The following APBA1 variants were observed in gnomAD, a reference collection of about 807,000 sequenced individuals.
The protein encoded by APBA1 is amyloid-beta A4 precursor protein-binding family A member 1.
In APBA1, 55 loss-of-function variants were observed where a neutral mutation model predicts 86.6. The ratio of observed to expected loss-of-function variants is 0.64; its 90% confidence interval spans 0.51 to 0.80. APBA1 has a LOEUF of 0.80. Among genes scored for constraint, APBA1 ranks in the 30% least tolerant of loss-of-function variants. The probability of loss-of-function intolerance (pLI) is 0.00; values close to 1 mark genes in which losing one functional copy is unlikely to be tolerated. For synonymous variants in APBA1, 511 were observed against 493.9 expected (o/e 1.03, Z -0.46); for missense variants, 1,090 against 1,183.0 (o/e 0.92, Z 1.15).
chr9:69,642,916 A>G (rs2134009267), intron 1 of APBA1, among the ~76,000 whole-genome samples: 1 of 151,726 alleles, frequency 6.6e-6, no homozygotes, highest in South Asian at 2.1e-4. Flanking sequence ...TGGATTTTGG[A>G]CTTACCAAAC....
At chr9:69,493,052 T>C (rs935519892) in intron 2 of APBA1, among the ~76,000 whole-genome samples, 2 of 152,112 alleles carry the variant, frequency 1.3e-5, no homozygotes, top group African/African-American at 2.4e-5. Context: ...ATATGCTGCA[T>C]GAGACTACAG....
chr9:69,529,202 A>G (rs924526156), intron 1 of APBA1, among the ~76,000 whole-genome samples: 2 of 152,138 alleles, frequency 1.3e-5, no homozygotes, highest in African/African-American at 2.4e-5. Flanking sequence ...ATTTTTGGTT[A>G]TGCCTCAAAT....
chr9:69,604,879 C>T (rs1195992488), intron 1 of APBA1, among the ~76,000 whole-genome samples: 1 of 151,156 alleles, frequency 6.6e-6, no homozygotes, highest in Non-Finnish European at 1.5e-5. Context: ...CACACATGTA[C>T]GCACATGAGG....
chr9:69,599,667 A>T (rs980396044), intron 1 of APBA1, among the ~76,000 whole-genome samples: 17 of 152,186 alleles, frequency 1.1e-4, no homozygotes, highest in African/African-American at 4.1e-4. Flanking sequence ...CTGGACCAGT[A>T]GCACCAGCAG....
intron 1 of APBA1, among the ~76,000 whole-genome samples, chr9:69,655,239 C>T (rs570414310): frequency 6.6e-6 from 1 of 152,142 alleles, no homozygotes; most frequent in African/African-American, 2.4e-5. Flanking sequence ...TAAAGGGCAT[C>T]CACATTGGGA....
intron 1 of APBA1, among the ~76,000 whole-genome samples, chr9:69,567,534 A>G (rs889875163): frequency 6.6e-6 from 1 of 151,966 alleles, no homozygotes; most frequent in African/African-American, 2.4e-5. Flanking sequence ...TTAACTCGTC[A>G]TTTACATTAG....
intron 1 of APBA1, among the ~76,000 whole-genome samples, chr9:69,540,960 T>G (rs1836599414): frequency 6.6e-6 from 1 of 152,232 alleles, no homozygotes; most frequent in Non-Finnish European, 1.5e-5. Flanking sequence ...TGTTTTTCTG[T>G]GACTAGCTTA....
chr9:69,521,606 G>A (rs1836253308), intron 1 of APBA1, among the ~76,000 whole-genome samples: 1 of 152,062 alleles, frequency 6.6e-6, no homozygotes, highest in Admixed American at 6.6e-5. Flanking sequence ...AACTTCATAG[G>A]GAAACATTTT....
At chr9:69,636,680 A>G (rs910362518) in intron 1 of APBA1, among the ~76,000 whole-genome samples, 18 of 151,178 alleles carry the variant, frequency 1.2e-4, no homozygotes, top group African/African-American at 3.4e-4. Context: ...TGTAGTCCCA[A>G]CTACCTGGGA....
At chr9:69,591,473 A>G (rs1180839995) in intron 1 of APBA1, among the ~76,000 whole-genome samples, 1 of 152,242 alleles carries the variant, frequency 6.6e-6, no homozygotes, top group Non-Finnish European at 1.5e-5. Flanking sequence ...GAAGCTTGTC[A>G]ACAATATGAA....
At chr9:69,482,166 C>A (rs910471561) in intron 2 of APBA1, among the ~76,000 whole-genome samples, 6 of 151,926 alleles carry the variant, frequency 3.9e-5, no homozygotes, top group African/African-American at 1.5e-4. Context: ...AAAGAAACTA[C>A]CATCAGAGTG....
At chr9:69,466,370 A>G (rs1835280402) in intron 5 of APBA1, among the ~76,000 whole-genome samples, 1 of 152,198 alleles carries the variant, frequency 6.6e-6, no homozygotes, top group Non-Finnish European at 1.5e-5. Flanking sequence ...ACACGTGACT[A>G]ACGTAAGAAT....
chr9:69,557,636 G>A (rs760603408), intron 1 of APBA1, among the ~76,000 whole-genome samples: 19 of 152,220 alleles, frequency 1.2e-4, no homozygotes, highest in Non-Finnish European at 1.9e-4. Context: ...AAGATGGAAA[G>A]GCAGCAGCAG....
intron 1 of APBA1, among the ~76,000 whole-genome samples, chr9:69,611,605 A>C (rs1045197313): frequency 1.3e-5 from 2 of 152,236 alleles, no homozygotes; most frequent in Non-Finnish European, 2.9e-5. Flanking sequence ...GGAACAAATA[A>C]AATTTAGCCA....
intron 8 of APBA1, among the ~76,000 whole-genome samples, chr9:69,453,205 G>A (rs1036259817): frequency 5.9e-5 from 9 of 152,152 alleles, no homozygotes; most frequent in African/African-American, 2.2e-4. Context: ...TTTTTCAATA[G>A]GGGAGGTTAT....
intron 4 of APBA1, 102 bp downstream of exon 4, chr9:69,471,554 C>G (rs1350091133): frequency 2.1e-6 from 2 of 968,328 alleles, no homozygotes; most frequent in African/African-American, 3.3e-5. Context: ...ACTTTGTGGC[C>G]TTTCTTCCCT....
chr9:69,640,958 AAGAG>A (rs142050871), intron 1 of APBA1, among the ~76,000 whole-genome samples: 1 of 149,516 alleles, frequency 6.7e-6, no homozygotes, highest in African/African-American at 2.5e-5. Flanking sequence ...GAGAAAGAGA[AAGAG>A]AGAGAGAGAG....
rs988021306 is a variant in APBA1, at chr9:69,431,520, C to A, written c.2443-122G>T. The A allele has an allele frequency of 1.0e-5, 8 of 790,652 alleles. No individual in the cohort carries two copies. In the African/African-American group the frequency reaches 1.2e-4, roughly 12 times the overall value. 49.0% of individuals were successfully genotyped at this position (790,652 alleles called of 1,614,324 possible). A position where few individuals can be genotyped will look rare whatever the true frequency, so the allele number is the denominator to read the frequency against. ...CAGAGGGCTTTGAAGATACTCCCTA[C>A]CGCCCAGCCACCACCAGGGACCTGA... On this transcript the variant is annotated intron_variant, in intron 12 of 12. Coordinates refer to ENST00000265381, the MANE Select transcript of APBA1 (RefSeq NM_001163.4).
intron 2 of APBA1, among the ~76,000 whole-genome samples, chr9:69,495,906 T>C (rs538394324): frequency 1.3e-5 from 2 of 152,138 alleles, no homozygotes; most frequent in East Asian, 3.9e-4. Flanking sequence ...ACGGGAAGTC[T>C]CTTCACCTTT....
Sources: allele counts gnomAD v4.1 joint callset (sites outside exome capture counted in the v4.1 genomes callset), GRCh38; gene constraint gnomAD v4.1.1; transcripts MANE v1.5; gene names NCBI Gene and HGNC (gene_info 2026-07-23, HGNC 2026-07-21).